Variants in ZNF813 observed in about 807,000 individuals in gnomAD.
ZNF813 encodes zinc finger protein 813.
In ZNF813, 3 loss-of-function variants were observed where a neutral mutation model predicts 7.2. The ratio of observed to expected loss-of-function variants is 0.42; its 90% CI spans 0.19 to 1.08. The LOEUF (loss-of-function observed/expected upper bound fraction) is 1.08. ZNF813 is among the 50% of genes least tolerant of loss of function. The pLI, the probability that ZNF813 is intolerant of heterozygous loss-of-function variation, is 0.30. For missense variants in ZNF813, 714 were observed against 753.3 expected (o/e 0.95, Z 0.61); for synonymous variants, 227 against 256.3 (o/e 0.89, Z 1.09).
Position 53,492,725 on chromosome 19 carries a change from G to A in ZNF813, c.*639G>A. On this transcript the variant is annotated 3_prime_UTR_variant, in exon 4 of 4. Coordinates refer to ENST00000396403, the MANE Select transcript of ZNF813 (RefSeq NM_001004301.4). ...AGAGATCATACAAGTGTAATAATCG[G>A]CAAATTTTTCAGACATCGTCCATAC... The A allele has an allele frequency of 1.4e-6, 1 of 690,324 alleles. No individual in the cohort carries two copies. Among genetic ancestry groups the A allele is most frequent in the Non-Finnish European group, 2.4e-6 (1 of 408,414 alleles). 42.8% of individuals were successfully genotyped at this position (690,324 alleles called of 1,614,324 possible).
In ZNF813 at chr19:53,495,512, A is replaced by T. The variant is rs2086483265; in HGVS notation, c.*3426A>T. ...GTGGAGATTACAGGCATGAGCCACC[A>T]TGCCCCTTGCACATCAGTTTTACAA... On this transcript the variant is annotated 3_prime_UTR_variant, in exon 4 of 4. Transcript: ENST00000396403. The T allele has an allele frequency of 6.6e-6, 1 of 152,112 alleles. No homozygotes were observed. Among genetic ancestry groups the T allele is most frequent in the African/African-American group, 2.4e-5 (1 of 41,404 alleles). The allele number at this position is 152,112 out of a possible 1,614,324, so 9.4% of individuals were successfully genotyped here.
At chr19:53,487,023 G>A (rs1052293012) in intron 3 of ZNF813, among the ~76,000 whole-genome samples, 20 of 141,706 alleles carry the variant, frequency 1.4e-4, no homozygotes, top group Admixed American at 4.4e-4. Context: ...TTCTTACTGC[G>A]TTGTTGAAGT....
At chr19:53,488,612 C>T (rs973098678) in intron 3 of ZNF813, among the ~76,000 whole-genome samples, 4 of 145,036 alleles carry the variant, frequency 2.8e-5, no homozygotes, top group African/African-American at 1.0e-4. Flanking sequence ...GAGGTGGAGG[C>T]AGGATTTCAT....
chr19:53,481,486 A>G (rs1369305725), intron 1 of ZNF813, among the ~76,000 whole-genome samples: 1 of 151,678 alleles, frequency 6.6e-6, no homozygotes, highest in African/African-American at 2.4e-5. Context: ...TGCTGGGACA[A>G]CAGGCACCCA....
chr19:53,471,023 G>A (rs1180698062), intron 1 of ZNF813, among the ~76,000 whole-genome samples: 1 of 152,112 alleles, frequency 6.6e-6, no homozygotes, highest in East Asian at 1.9e-4. Context: ...CAGGTAGCTG[G>A]CCTAGAGTAC....
chr19:53,480,293 T>C (rs561748236), intron 1 of ZNF813: 3 of 725,980 alleles, frequency 4.1e-6, no homozygotes, highest in African/African-American at 1.7e-5. Flanking sequence ...GGCTAGAGGC[T>C]GAGAACCTTT....
At chr19:53,468,807 A>T (rs1380531281) in intron 1 of ZNF813, among the ~76,000 whole-genome samples, 1 of 132,184 alleles carries the variant, frequency 7.6e-6, no homozygotes, top group Non-Finnish European at 1.5e-5. Flanking sequence ...ACACCTAGAC[A>T]TTCCATTCCC....
intron 1 of ZNF813, chr19:53,479,210 C>T: frequency 1.3e-6 from 1 of 764,728 alleles, no homozygotes; most frequent in South Asian, 1.6e-5. Context: ...GCTGGGATTA[C>T]AGGTGTGAGC....
At position 53,486,650 on chromosome 19, in the gene ZNF813, G is replaced by C. The variant is rs372029444; in HGVS notation, c.34G>C (p.Asp12His). The C allele has an allele frequency of 5.0e-5, 81 of 1,613,910 alleles. No homozygotes were observed. Among genetic ancestry groups the C allele is most frequent in the Admixed American group, 8.3e-5 (5 of 59,996 alleles). ...ALPQGLLTFR[D>H]VAIEFSQEEW... ...ATTTCAGGGTCTATTGACATTCAGG[G>C]ATGTGGCCATAGAATTCTCTCAGGA... Residue 12 changes from aspartate (D) to histidine (H), a missense_variant, in exon 3 of 4, where the codon GAT becomes CAT. Transcript: ENST00000396403.
In ZNF813 at chr19:53,492,481, G is replaced by A; in HGVS notation, c.*395G>A. The A allele has an allele frequency of 2.3e-6, 1 of 438,326 alleles. No individual in the cohort carries two copies. Among genetic ancestry groups the A allele is most frequent in the Non-Finnish European group, 4.5e-6 (1 of 223,688 alleles). 27.2% of individuals were successfully genotyped at this position (438,326 alleles called of 1,614,324 possible). Reference sequence around the variant, plus strand: ...ATAAAATTGTAAGAGTTCGTGACAAGGCTTTCGGGCATGACTCACACCTGG... The same window carrying A: ...ATAAAATTGTAAGAGTTCGTGACAAAGCTTTCGGGCATGACTCACACCTGG... On this transcript the variant is annotated 3_prime_UTR_variant, in exon 4 of 4. Transcript: ENST00000396403.
At position 53,490,512 on chromosome 19, in the gene ZNF813, A is replaced by G. The variant is rs543731773; in HGVS notation, c.280A>G (p.Ile94Val). ...DFRFQEIDKD[I>V]HNLEFQWQED... is the part of the protein sequence containing the mutation. ...TCGCTTTCAGGAAATTGATAAAGAT[A>G]TTCATAACTTAGAGTTTCAGTGGCA... The change falls in exon 4 of 4, where the codon ATT becomes GTT. Residue 94 changes from isoleucine to valine, a missense_variant. Physicochemically the swap from Ile to Val is conservative, Grantham distance 29. This residue lies in a region of ZNF813 where 563 missense variants were observed against 554.2 expected (regional missense o/e 1.02). Transcript: ENST00000396403. 74 of 1,614,214 alleles carry G rather than the reference A, an allele frequency of 4.6e-5. No individual in the cohort carries two copies. The South Asian group carries it at 7.8e-4, about 17-fold the overall frequency.
At chr19:53,471,908 A>G (rs528227671) in intron 1 of ZNF813, among the ~76,000 whole-genome samples, 6 of 151,898 alleles carry the variant, frequency 4.0e-5, no homozygotes, top group Admixed American at 6.6e-5. Context: ...TCTTAAGGCC[A>G]TTGGTCTCCT....
At chr19:53,475,579 T>C (rs1195212554) in intron 1 of ZNF813, among the ~76,000 whole-genome samples, 3 of 152,280 alleles carry the variant, frequency 2.0e-5, no homozygotes, top group Non-Finnish European at 2.9e-5. Context: ...TCAGGTTTGA[T>C]AACTAATGGT....
intron 2 of ZNF813, among the ~76,000 whole-genome samples, chr19:53,485,595 T>TCATGATATATACATGTATGA (rs2086429083): frequency 6.7e-6 from 1 of 150,368 alleles, no homozygotes; most frequent in African/African-American, 2.5e-5. Flanking sequence ...CATATGTATG[T>TCATGATATATACATGTATGA]CATGATATAT....
chr19:53,482,719 T>G (rs1467312872), intron 1 of ZNF813, among the ~76,000 whole-genome samples: 6 of 131,392 alleles, frequency 4.6e-5, no homozygotes, highest in East Asian at 4.4e-4. Flanking sequence ...TTTGTTTTTT[T>G]TTTTTTTTTT....
At chr19:53,468,768 G>A (rs1269329186) in intron 1 of ZNF813, among the ~76,000 whole-genome samples, 1 of 152,048 alleles carries the variant, frequency 6.6e-6, no homozygotes, top group African/African-American at 2.4e-5. Context: ...TCCTATCTCA[G>A]AATAGAACGA....
chr19:53,481,363 T>TTTTTTTTTTTTTTA (rs56277529), intron 1 of ZNF813, among the ~76,000 whole-genome samples: 1 of 116,208 alleles, frequency 8.6e-6, no homozygotes, highest in African/African-American at 3.1e-5. Flanking sequence ...TTTTTTTTTT[T>TTTTTTTTTTTTTTA]GAGATGGAGT....
In ZNF813 at chr19:53,477,939, A is replaced by C. The variant is rs149640748; in HGVS notation, c.-73-5811A>C. On this transcript the variant is annotated intron_variant, in intron 1 of 3. Coordinates refer to ENST00000396403, the MANE Select transcript of ZNF813 (RefSeq NM_001004301.4). Reference sequence around the variant, plus strand: ...AATCTAATAACTTAAAATTTGTTTAAATTATACAGATGAGATTGAGAACTT... The same window carrying C: ...AATCTAATAACTTAAAATTTGTTTACATTATACAGATGAGATTGAGAACTT... Among the ~76,000 whole-genome samples the C allele has an allele frequency of 2.2e-3, 330 of 152,246 alleles. 1 individual carries two copies. Among genetic ancestry groups the C allele is most frequent in the African/African-American group, 7.6e-3 (317 of 41,546 alleles).
intron 1 of ZNF813, among the ~76,000 whole-genome samples, chr19:53,482,623 C>T (rs960184707): frequency 1.3e-5 from 2 of 152,088 alleles, no homozygotes; most frequent in Non-Finnish European, 2.9e-5. Context: ...GCCCTCCCAC[C>T]CCCATCTGAT....
Sources: allele counts gnomAD v4.1 joint callset (sites outside exome capture counted in the v4.1 genomes callset), GRCh38; gene constraint gnomAD v4.1.1; regional missense constraint gnomAD v4.1.1; transcripts MANE v1.5; gene names NCBI Gene and HGNC (gene_info 2026-07-23, HGNC 2026-07-21).